Variants in COL1A2 observed in about 807,000 individuals in gnomAD.
COL1A2 encodes collagen type I alpha 2 chain, also known as collagen alpha-2(I) chain.
A neutral mutation model predicts 174.3 loss-of-function variants in COL1A2; 49 were observed. That is an observed-to-expected ratio of 0.28 (90% CI 0.22 to 0.36). The LOEUF (loss-of-function observed/expected upper bound fraction) is 0.36, where lower values mean the gene tolerates loss of function less well. COL1A2 is among the 10% of genes least tolerant of loss of function. The probability of loss-of-function intolerance (pLI) is 1.00; values close to 1 mark genes in which losing one functional copy is unlikely to be tolerated. For synonymous variants in COL1A2, 655 were observed against 606.6 expected (o/e 1.08, Z -1.17); for missense variants, 1,438 against 1,822.7 (o/e 0.79, Z 3.84).
intron 18 of COL1A2, 34 bp from the exon 19 acceptor site, chr7:94,409,689 T>C (rs754096568): frequency 6.2e-7 from 1 of 1,613,166 alleles, no homozygotes; most frequent in East Asian, 2.2e-5. Context: ...GCCCATCACC[T>C]CCCTAATGGA....
In COL1A2 at chr7:94,425,132, C is replaced by G; in HGVS notation, c.2689C>G (p.Leu897Val). ...VAGAVGEPGP[L>V]GIAGPPGARG... ...GCCTGTTTAGGGTGAACCTGGTCCT[C>G]TTGGCATTGCCGGCCCTCCTGGGGC... The change falls in exon 42 of 52, where the codon CTT (leucine) becomes GTT (valine). Residue 897 changes from leucine (L) to valine (V), a missense_variant. By Grantham distance (32) the Leu-to-Val change is conservative (BLOSUM62 1). Around this residue, in one of 3 missense-constraint regions of COL1A2, gnomAD observed 867 missense variants for 1,213.7 expected, o/e 0.71. Transcript: ENST00000297268. 1 of 1,614,128 alleles carries G rather than the reference C, an allele frequency of 6.2e-7. No individual in the cohort carries two copies. Among genetic ancestry groups the G allele is most frequent in the Non-Finnish European group, 8.5e-7 (1 of 1,180,004 alleles).
chr7:94,412,213 T>G (rs991876416), intron 24 of COL1A2, 92 bp downstream of exon 24: 2 of 1,053,396 alleles, frequency 1.9e-6, no homozygotes, highest in Non-Finnish European at 2.9e-6. Flanking sequence ...ATGAACACAT[T>G]GAAAATAAAT....
At chr7:94,410,808 T>C (rs1339709529) in intron 21 of COL1A2, 81 bp from the exon 22 acceptor site, 1 of 1,458,446 alleles carries the variant, frequency 6.9e-7, no homozygotes, top group African/African-American at 1.4e-5. Context: ...TGTAAGGAGA[T>C]CATGCTATTT....
intron 50 of COL1A2, 102 bp downstream of exon 50, chr7:94,428,579 A>G: frequency 8.7e-7 from 1 of 1,143,378 alleles, no homozygotes; most frequent in Non-Finnish European, 1.3e-6. Context: ...TGGGCTTATT[A>G]AAAAAAGACC....
chr7:94,412,975 C>A, intron 25 of COL1A2, 108 bp from the exon 26 acceptor site: 1 of 1,122,832 alleles, frequency 8.9e-7, no homozygotes, highest in Non-Finnish European at 1.4e-6. Flanking sequence ...CTAGGGATCT[C>A]AAAAGAACAC....
intron 13 of COL1A2, 119 bp from the exon 14 acceptor site, chr7:94,408,064 G>A (rs190125702): frequency 8.7e-6 from 11 of 1,258,656 alleles, no homozygotes; most frequent in African/African-American, 3.0e-5. Flanking sequence ...GAATTAGAAG[G>A]CAACTTATTT....
rs1792378589 is a variant in COL1A2 at position 94,430,566 on chromosome 7, C to T, written c.*173C>T. The T allele has an allele frequency of 2.8e-6, 2 of 707,162 alleles. No individual in the cohort carries two copies. Among genetic ancestry groups the T allele is most frequent in the East Asian group, 5.5e-5 (2 of 36,676 alleles). The allele number at this position is 707,162 out of a possible 1,614,324, so 43.8% of individuals were successfully genotyped here. On this transcript the variant is annotated 3_prime_UTR_variant, in exon 52 of 52. Transcript: ENST00000297268. ...GGATTGATCAGAGCATTGTGCAATA[C>T]AGTTTCATTAACTCCTTCCCCCGCT...
Position 94,422,941 on chromosome 7 carries a change from G to A in COL1A2, c.2404-16G>A. 6.2e-7 allele frequency: 1 copy of A among 1,614,112 alleles called. No individual in the cohort carries two copies. The highest frequency in any genetic ancestry group is 8.5e-7 in the Non-Finnish European group (1 of 1,179,990). On this transcript the variant is annotated splice_polypyrimidine_tract_variant and intron_variant, in intron 39 of 51. Transcript: ENST00000297268. ...TGATTAACAGAAAGGAAATGACCTT[G>A]TACATTTGCTCATAGGGTATTTCTG...
At chr7:94,420,476 A>G (rs1792135304) in intron 36 of COL1A2, 32 bp downstream of exon 36, 1 of 1,614,066 alleles carries the variant, frequency 6.2e-7, no homozygotes, top group African/African-American at 1.3e-5. Context: ...TTAATCTGAA[A>G]ACATCCTAAG....
At chr7:94,413,254 G>C in intron 26 of COL1A2, 118 bp downstream of exon 26, 1 of 1,064,278 alleles carries the variant, frequency 9.4e-7, no homozygotes, top group Non-Finnish European at 1.5e-6. Context: ...CATCCCCAGG[G>C]GTCCTTTTAC....
chr7:94,400,745 G>A (rs146955073), intron 5 of COL1A2, among the ~76,000 whole-genome samples: 1 of 152,134 alleles, frequency 6.6e-6, no homozygotes, highest in Non-Finnish European at 1.5e-5. Context: ...TTTGAGAAAA[G>A]TACATTTCCC....
At position 94,415,283 on chromosome 7, in the gene COL1A2, T is replaced by G. The variant is rs780458719; in HGVS notation, c.1764+13T>G. ...TGCTGGTCCAAGAGTAAGTGTTACT[T>G]CATTAACTTTCATAAACTCTGGCAA... On this transcript the variant is annotated intron_variant, in intron 30 of 51. Transcript: ENST00000297268. 1.1e-5 allele frequency: 18 copies of G among 1,612,418 alleles called. No individual in the cohort carries two copies. In the Admixed American group the frequency reaches 3.0e-4, roughly 27 times the overall value.
chr7:94,413,358 GC>G (rs1294769276), intron 26 of COL1A2, among the ~76,000 whole-genome samples: 2 of 152,116 alleles, frequency 1.3e-5, no homozygotes, highest in African/African-American at 4.8e-5. Flanking sequence ...GAAGCACTTG[GC>G]TTTTATTTTA....
chr7:94,410,397 C>T (rs1022303616), intron 20 of COL1A2, 23 bp from the exon 21 acceptor site: 1 of 1,555,172 alleles, frequency 6.4e-7, no homozygotes, highest in Non-Finnish European at 8.7e-7. Context: ...ACTCCCTCTT[C>T]TTTTGTTCTT....
At chr7:94,419,605 C>T (rs1223272819) in intron 34 of COL1A2, 54 bp downstream of exon 34, 1 of 1,597,972 alleles carries the variant, frequency 6.3e-7, no homozygotes, top group Non-Finnish European at 8.6e-7. Flanking sequence ...TCCCGCCTTC[C>T]CTAGTCCCAA....
rs1277919243 is a variant in COL1A2 at position 94,423,268 on chromosome 7, A to C, written c.2565+150A>C. ...GAGCCAGGAAATCTGTCCAGCACACACTGAGGGGCTGTGGCTTCCAAGATG... is the reference window on the plus strand; with the variant it reads ...GAGCCAGGAAATCTGTCCAGCACACCCTGAGGGGCTGTGGCTTCCAAGATG... On this transcript the variant is annotated intron_variant, in intron 40 of 51. Transcript: ENST00000297268. The C allele has an allele frequency of 1.3e-5, 12 of 889,322 alleles. No individual in the cohort carries two copies. In the East Asian group the frequency reaches 3.1e-4, roughly 23 times the overall value. 55.1% of individuals were successfully genotyped at this position (889,322 alleles called of 1,614,324 possible).
Position 94,411,081 on chromosome 7 carries a change from G to A in COL1A2, c.1277G>A (p.Ser426Asn), listed in dbSNP as rs376629202. The A allele has an allele frequency of 3.7e-6, 6 of 1,602,848 alleles. No individual in the cohort carries two copies. Among genetic ancestry groups the A allele is most frequent in the Non-Finnish European group, 5.1e-6 (6 of 1,175,424 alleles). The change falls in exon 23 of 52, where the codon AGT (serine) becomes AAT (asparagine). Residue 426 changes from serine to asparagine, a missense_variant. Physicochemically the swap from Ser to Asn is conservative, Grantham distance 46. Coordinates refer to ENST00000297268, the MANE Select transcript of COL1A2 (RefSeq NM_000089.4). ...GGCCCTCCTGGTAGTCGTGGTGCAA[G>A]TGGCCCTGCTGGAGTCCGAGGACCT... ...VMGPPGSRGASGPAGVRGPNG... is the reference protein window; with the variant it reads ...VMGPPGSRGANGPAGVRGPNG...
At chr7:94,408,545 A>G (rs1240001231) in intron 15 of COL1A2, among the ~76,000 whole-genome samples, 165 bp downstream of exon 15, 1 of 152,198 alleles carries the variant, frequency 6.6e-6, no homozygotes, top group Non-Finnish European at 1.5e-5. Context: ...ATTTATAAGT[A>G]CCTGAACTTT....
At chr7:94,412,765 C>A in intron 25 of COL1A2, 83 bp downstream of exon 25, 1 of 1,186,714 alleles carries the variant, frequency 8.4e-7, no homozygotes, top group Non-Finnish European at 1.2e-6. Context: ...TCCTGCGAAT[C>A]AGTCCAGTCT....
Sources: gnomAD v4.1 joint callset for allele counts (sites outside exome capture counted in the v4.1 genomes callset) on GRCh38, gnomAD v4.1.1 for gene constraint, gnomAD v4.1.1 regional missense constraint, MANE v1.5 for transcripts, NCBI Gene and HGNC (gene_info 2026-07-23, HGNC 2026-07-21) for gene names.